The following TAFA1 variants were observed in gnomAD, a reference collection of about 807,000 sequenced individuals.
TAFA1 encodes the protein TAFA chemokine like family member 1.
TAFA1 carries 4 observed loss-of-function variants against 18.5 expected under a neutral mutation model. That is an observed-to-expected ratio of 0.22 (90% CI 0.11 to 0.49). The LOEUF is 0.49. Among genes scored for constraint, TAFA1 ranks in the 20% least tolerant of loss-of-function variants. TAFA1 has a pLI of 0.98. For synonymous variants in TAFA1, 56 were observed against 55.2 expected (o/e 1.01, Z -0.06); for missense variants, 147 against 169.0 (o/e 0.87, Z 0.72).
At chr3:68,248,274 G>A (rs2067123030) in intron 2 of TAFA1, among the ~76,000 whole-genome samples, 1 of 152,154 alleles carries the variant, frequency 6.6e-6, no homozygotes, top group Non-Finnish European at 1.5e-5. Context: ...TGTAAGGTCA[G>A]GGCTTATTTT....
chr3:68,032,973 G>A (rs1704969713), intron 2 of TAFA1, among the ~76,000 whole-genome samples: 1 of 151,884 alleles, frequency 6.6e-6, no homozygotes, highest in African/African-American at 2.4e-5. Context: ...TCCTTCCTAT[G>A]TATGATATCC....
intron 3 of TAFA1, among the ~76,000 whole-genome samples, chr3:68,457,482 T>C (rs1315153524): frequency 1.3e-5 from 2 of 152,162 alleles, no homozygotes; most frequent in Non-Finnish European, 2.9e-5. Flanking sequence ...TTTGAATACA[T>C]TTATTTTTAA....
At chr3:68,466,103 T>C (rs536289308) in intron 3 of TAFA1, among the ~76,000 whole-genome samples, 2 of 152,308 alleles carry the variant, frequency 1.3e-5, no homozygotes, top group East Asian at 3.9e-4. Context: ...TCTGGGCACA[T>C]GATAGGCTTA....
chr3:67,996,214 A>G, the TAFA1 span, among the ~76,000 whole-genome samples: 1 of 152,194 alleles, frequency 6.6e-6, no homozygotes, highest in Non-Finnish European at 1.5e-5. Flanking sequence ...GTGAGAAAAG[A>G]CCAGAGTGAC....
At chr3:68,297,319 CT>C (rs559317503) in intron 2 of TAFA1, among the ~76,000 whole-genome samples, 188 of 152,296 alleles carry the variant, frequency 1.2e-3, no homozygotes, top group African/African-American at 4.3e-3. Flanking sequence ...ACTAGCCTAT[CT>C]TTAATTTTCT....
intron 3 of TAFA1, among the ~76,000 whole-genome samples, chr3:68,467,803 A>T (rs2071918364): frequency 6.6e-6 from 1 of 152,230 alleles, no homozygotes; most frequent in Admixed American, 6.5e-5. Flanking sequence ...CTGATTTAGC[A>T]AATTCTTGCT....
At chr3:68,422,625 TATTCAA>T (rs1458942481) in intron 3 of TAFA1, among the ~76,000 whole-genome samples, 2 of 152,122 alleles carry the variant, frequency 1.3e-5, no homozygotes, top group Non-Finnish European at 2.9e-5. Flanking sequence ...CTTAGCAGCT[TATTCAA>T]GAGTATAATA....
At chr3:68,028,330 A>T (rs185897745) in intron 2 of TAFA1, among the ~76,000 whole-genome samples, 1 of 151,152 alleles carries the variant, frequency 6.6e-6, no homozygotes, top group Admixed American at 6.6e-5. Context: ...CAAAACAAAA[A>T]AGTATATATA....
chr3:68,248,736 C>T (rs957337142), intron 2 of TAFA1, among the ~76,000 whole-genome samples: 91 of 4,212 alleles, frequency 0.022, no homozygotes, highest in Admixed American at 0.093. Flanking sequence ...GGGCGGGGGG[C>T]GGGGGGCGGG....
intron 3 of TAFA1, among the ~76,000 whole-genome samples, chr3:68,445,843 A>T (rs2071466435): frequency 6.6e-6 from 1 of 152,080 alleles, no homozygotes. Flanking sequence ...AAGTTGGGAG[A>T]ACTACATTTT....
intron 2 of TAFA1, among the ~76,000 whole-genome samples, chr3:68,241,258 G>T (rs1472850432): frequency 6.6e-6 from 1 of 152,096 alleles, no homozygotes; most frequent in East Asian, 1.9e-4. Context: ...AGTATAAAAT[G>T]AATAAAGTCT....
At chr3:68,233,830 T>C (rs1191552402) in intron 2 of TAFA1, among the ~76,000 whole-genome samples, 2 of 152,184 alleles carry the variant, frequency 1.3e-5, no homozygotes, top group Non-Finnish European at 2.9e-5. Context: ...GCAAAGGTTA[T>C]AGGGCTTACA....
chr3:68,174,092 G>T (rs2066093726), intron 2 of TAFA1, among the ~76,000 whole-genome samples: 1 of 152,056 alleles, frequency 6.6e-6, no homozygotes, highest in Non-Finnish European at 1.5e-5. Context: ...TGCAAAAAAG[G>T]CCCCATTCCA....
chr3:68,391,860 C>T (rs1270722788), intron 2 of TAFA1, among the ~76,000 whole-genome samples: 1 of 152,094 alleles, frequency 6.6e-6, no homozygotes, highest in African/African-American at 2.4e-5. Context: ...CCTGAGGAAG[C>T]ACTAAACATG....
At chr3:67,994,435 TG>T in the TAFA1 span, among the ~76,000 whole-genome samples, 1 of 152,226 alleles carries the variant, frequency 6.6e-6, no homozygotes, top group Non-Finnish European at 1.5e-5. Flanking sequence ...AGGATAATCT[TG>T]GTTTTATATT....
At chr3:68,176,705 G>T (rs958691606) in intron 2 of TAFA1, among the ~76,000 whole-genome samples, 2 of 152,218 alleles carry the variant, frequency 1.3e-5, no homozygotes, top group African/African-American at 4.8e-5. Context: ...GTGTTTGTTC[G>T]TTTAGACAAT....
chr3:68,476,549 G>C (rs2072100217), intron 3 of TAFA1, among the ~76,000 whole-genome samples: 1 of 152,072 alleles, frequency 6.6e-6, no homozygotes, highest in South Asian at 2.1e-4. Flanking sequence ...TGAATGAATA[G>C]TTTCACATGA....
At chr3:68,345,708 A>G (rs2069153542) in intron 2 of TAFA1, among the ~76,000 whole-genome samples, 1 of 152,160 alleles carries the variant, frequency 6.6e-6, no homozygotes, top group Non-Finnish European at 1.5e-5. Context: ...AATAATAAAT[A>G]AAAAGGCCTT....
intron 2 of TAFA1, among the ~76,000 whole-genome samples, chr3:68,031,434 G>A (rs753038893): frequency 2.0e-5 from 3 of 152,108 alleles, no homozygotes; most frequent in East Asian, 3.8e-4. Flanking sequence ...CAAAGCACTC[G>A]GAAATAGTGG....
Sources: allele counts gnomAD v4.1 joint callset (sites outside exome capture counted in the v4.1 genomes callset), GRCh38; gene constraint gnomAD v4.1.1; transcripts MANE v1.5; gene names NCBI Gene and HGNC (gene_info 2026-07-23, HGNC 2026-07-21).